The following TTN variants were observed in gnomAD, a reference collection of about 807,000 sequenced individuals.
TTN encodes connectin.
Under a neutral mutation model 3,223.0 loss-of-function variants are expected in TTN, and 1,525 were observed. The observed-to-expected ratio is 0.47, with a 90% CI of 0.45 to 0.49. The LOEUF is 0.49. Ranked by LOEUF, TTN falls within the 20% of genes least tolerant of loss-of-function variation. The probability of loss-of-function intolerance (pLI) is 0.00; values close to 1 mark genes in which losing one functional copy is unlikely to be tolerated. For missense variants in TTN, 40,786 were observed against 43,424.0 expected (o/e 0.94, Z 5.40); for synonymous variants, 14,094 against 15,161.0 (o/e 0.93, Z 5.17).
At chr2:178,802,044 T>C (rs1484585564) in intron 3 of TTN, 94 bp downstream of exon 3, 3 of 1,475,274 alleles carry the variant, frequency 2.0e-6, no homozygotes, top group Non-Finnish European at 2.8e-6. Flanking sequence ...GAGCTGCATC[T>C]ACCTCTGCCC....
At position 178,607,327 on chromosome 2, in the gene TTN, C is replaced by T. The variant is rs762229186; in HGVS notation, c.53288-13G>A. The T allele has an allele frequency of 6.2e-7, 1 of 1,611,766 alleles. No individual in the cohort carries two copies. Among genetic ancestry groups the T allele is most frequent in the East Asian group, 2.2e-5 (1 of 44,616 alleles). On this transcript the variant is annotated splice_polypyrimidine_tract_variant and intron_variant, in intron 277 of 362. Coordinates refer to ENST00000589042, the MANE Select transcript of TTN (RefSeq NM_001267550.2). ...GGACCAGGGACATCTGAAAACAAAA[C>T]AAAGCCAAAAATCAATGTAATAAGA...
chr2:178,569,192 G>T lies in TTN; in HGVS notation c.76940C>A (p.Ser25647Ter). Residue 25647 changes from serine (S) to a stop codon, truncating the protein, a stop_gained, in exon 326 of 363, where the codon TCA (serine) becomes TAA (stop). Coordinates refer to ENST00000589042, the MANE Select transcript of TTN (RefSeq NM_001267550.2). LOFTEE classifies it high-confidence loss of function. ...IVEKREATRK[S>*]YAAVVTNCHK... is the part of the protein sequence containing the mutation. ...GCAGTTAGTTACAACAGCAGCATAT[G>T]ATTTTCTTGTGGCTTCACGTTTCTC... 6.2e-7 allele frequency: 1 copy of T among 1,610,666 alleles called. No individual in the cohort carries two copies. The highest frequency in any genetic ancestry group is 1.1e-5 in the South Asian group (1 of 90,236).
chr2:178,536,115 C>G lies in TTN; in HGVS notation c.100632G>C (p.Arg33544Ser). The G allele has an allele frequency of 6.2e-7, 1 of 1,613,370 alleles. No individual in the cohort carries two copies. Among genetic ancestry groups the G allele is most frequent in the Middle Eastern group, 1.7e-4 (1 of 6,056 alleles). The change falls in exon 357 of 363, where the codon AGG becomes AGC. Residue 33544 changes from arginine (R) to serine (S), a missense_variant. Physicochemically the swap from Arg to Ser is moderately radical, Grantham distance 110 (BLOSUM62 -1). Coordinates refer to ENST00000589042, the MANE Select transcript of TTN (RefSeq NM_001267550.2). ...KEIIADGLKYRIQEFKGGYHQ... is the reference protein window; with the variant it reads ...KEIIADGLKYSIQEFKGGYHQ... The stretch of plus-strand genomic sequence containing the variant: ...GGTAGCCACCCTTAAATTCTTGAAT[C>G]CTATATTTTAATCCATCTGCAATGA...
Position 178,709,845 on chromosome 2 carries a change from G to T in TTN, c.28474C>A (p.Pro9492Thr), listed in dbSNP as rs745696518. The change falls in exon 99 of 363, where the codon CCA (proline) becomes ACA (threonine). Residue 9492 changes from proline to threonine, a missense_variant. Pro to Thr is a conservative substitution (Grantham distance 38). Transcript: ENST00000589042. The stretch of plus-strand genomic sequence containing the variant: ...GAGAGTCTTTTAGTGAAACTTGGTG[G>T]GATGAGCCGCTCTATAAGAAATTGC... ...AQLNIKERLI[P>T]PSFTKRLSET... 1.2e-6 allele frequency: 2 copies of T among 1,610,814 alleles called. No individual in the cohort carries two copies. The highest frequency in any genetic ancestry group is 3.3e-5 in the Admixed American group (2 of 59,872).
Position 178,610,387 on chromosome 2 carries a change from G to T in TTN, c.51139C>A (p.Leu17047Ile). 6.2e-7 allele frequency: 1 copy of T among 1,605,838 alleles called. No homozygotes were observed. The highest frequency in any genetic ancestry group is 1.3e-5 in the African/African-American group (1 of 74,348). Residue 17047 changes from leucine to isoleucine, a missense_variant and splice_region_variant, in exon 271 of 363, where the codon CTA (leucine) becomes ATA (isoleucine). Leu to Ile is a conservative substitution (Grantham distance 5). Coordinates refer to ENST00000589042, the MANE Select transcript of TTN (RefSeq NM_001267550.2). ...TTAATATCTTTGCATGGTCCAGGTAGGCCTATTACAAAAATGGATAATTAT... is the reference window on the plus strand; with the variant it reads ...TTAATATCTTTGCATGGTCCAGGTATGCCTATTACAAAAATGGATAATTAT... The part of the protein sequence containing the change: ...TASINVKVIG[L>I]PGPCKDIKAS...
intron 111 of TTN, among the ~76,000 whole-genome samples, chr2:178,699,363 A>C (rs1407763150): frequency 1.3e-5 from 1 of 79,802 alleles, no homozygotes; most frequent in East Asian, 2.8e-4. Context: ...GGCCTTTTGT[A>C]TTCATGAATA....
intron 33 of TTN, 88 bp downstream of exon 33, chr2:178,773,021 A>C: frequency 6.4e-7 from 1 of 1,569,668 alleles, no homozygotes; most frequent in Non-Finnish European, 8.7e-7. Flanking sequence ...GAAGTGGGAA[A>C]CTGAAAGGAA....
chr2:178,750,768 G>C, intron 47 of TTN: 12 of 1,613,024 alleles, frequency 7.4e-6, no homozygotes, highest in Non-Finnish European at 1.0e-5. Flanking sequence ...TCGCTGGCAT[G>C]TGGTGTAATA....
In TTN at chr2:178,610,397, A is replaced by G; in HGVS notation, c.51137-8T>C. Reference sequence around the variant, plus strand: ...TGCATGGTCCAGGTAGGCCTATTACAAAAATGGATAATTATTCTAGTAATC... The same window carrying G: ...TGCATGGTCCAGGTAGGCCTATTACGAAAATGGATAATTATTCTAGTAATC... On this transcript the variant is annotated splice_region_variant and splice_polypyrimidine_tract_variant and intron_variant, in intron 270 of 362. Coordinates refer to ENST00000589042, the MANE Select transcript of TTN (RefSeq NM_001267550.2). The G allele has an allele frequency of 6.2e-7, 1 of 1,604,670 alleles. No individual in the cohort carries two copies. The highest frequency in any genetic ancestry group is 2.2e-5 in the East Asian group (1 of 44,594).
Position 178,720,949 on chromosome 2 carries a change from GGCGTCACCAAC to G in TTN, c.23059_23069del (p.Val7687GlnfsTer25). 1.3e-6 allele frequency: 2 copies of G among 1,598,632 alleles called. No individual in the cohort carries two copies. The highest frequency in any genetic ancestry group is 1.7e-6 in the Non-Finnish European group (2 of 1,167,832). ...TCACTGTCAACGCTGTGCTGCAGCT[GGCGTCACCAAC>G]ACCATTATGAGCCTCACAAATGTAG... On this transcript the variant is annotated frameshift_variant, in exon 79 of 363. Transcript: ENST00000589042. LOFTEE classifies it high-confidence loss of function.
At position 178,583,811 on chromosome 2, in the gene TTN, C is replaced by T. The variant is rs370878527; in HGVS notation, c.65371G>A (p.Gly21791Ser). ...PKHDGGSKII[G>S]YFVEACKLPG... ...AGTTTGCAAGCTTCTACGAAATAGC[C>T]AATAATTTTACTGCCTCCATCATGC... is the stretch of plus-strand genomic sequence containing the variant. The change falls in exon 312 of 363, where the codon GGC (glycine) becomes AGC (serine). Residue 21791 changes from glycine (G) to serine (S), a missense_variant. Gly to Ser is a moderately conservative substitution (Grantham distance 56). Coordinates refer to ENST00000589042, the MANE Select transcript of TTN (RefSeq NM_001267550.2). 6.2e-5 allele frequency: 100 copies of T among 1,609,806 alleles called. No homozygotes were observed. Among genetic ancestry groups the T allele is most frequent in the Non-Finnish European group, 7.2e-5 (85 of 1,178,052 alleles).
rs773200867 is a variant in TTN at position 178,567,917 on chromosome 2, C to A, written c.78215G>T (p.Gly26072Val). 6.2e-7 allele frequency: 1 copy of A among 1,613,544 alleles called. No individual in the cohort carries two copies. The highest frequency in any genetic ancestry group is 1.1e-5 in the South Asian group (1 of 91,082). Residue 26072 changes from glycine (G) to valine (V), a missense_variant, in exon 326 of 363, where the codon GGT becomes GTT. Physicochemically the swap from Gly to Val is moderately radical, Grantham distance 109. Transcript: ENST00000589042. ...AGAATTCTTGCTTGCTTTGCCTACA[C>A]CAACAATATTTTCAGCATACACTCT... ...EFRVYAENIV[G>V]VGKASKNSEC... is the part of the protein sequence containing the mutation.
Position 178,746,448 on chromosome 2 carries a change from C to T in TTN, c.11312-4527G>A, listed in dbSNP as rs748957279. 1.9e-6 allele frequency: 3 copies of T among 1,611,398 alleles called. No homozygotes were observed. The East Asian group carries it at 6.7e-5, about 36-fold the overall frequency. The stretch of plus-strand genomic sequence containing the variant: ...TTCTCAAATTCTTTAACGTCTTTTT[C>T]ACTTAATTCAACTTCCAGGACAATT... On this transcript the variant is annotated intron_variant, in intron 47 of 362. Transcript: ENST00000589042.
Position 178,666,907 on chromosome 2 carries a change from A to T in TTN, c.35798-6T>A. 6.5e-7 allele frequency: 1 copy of T among 1,533,148 alleles called. No individual in the cohort carries two copies. The highest frequency in any genetic ancestry group is 1.3e-5 in the South Asian group (1 of 79,034). 95.0% of individuals were successfully genotyped at this position (1,533,148 alleles called of 1,614,324 possible). ...TTCCTTGAAGACTTCAAACTCTTTA[A>T]AGATATTAGTATTTTTTTTAATTGA... is the stretch of plus-strand genomic sequence containing the variant. On this transcript the variant is annotated splice_polypyrimidine_tract_variant and splice_region_variant and intron_variant, in intron 162 of 362. Transcript: ENST00000589042.
chr2:178,569,828 C>T lies in TTN; in HGVS notation c.76304G>A (p.Cys25435Tyr), dbSNP rs767496380. The T allele has an allele frequency of 1.2e-6, 2 of 1,613,450 alleles. No homozygotes were observed. The highest frequency in any genetic ancestry group is 8.5e-7 in the Non-Finnish European group (1 of 1,179,616). The change falls in exon 326 of 363, where the codon TGT (cysteine) becomes TAT (tyrosine). Residue 25435 changes from cysteine to tyrosine, a missense_variant. Cys to Tyr is a radical substitution (Grantham distance 194, BLOSUM62 -2). Transcript: ENST00000589042. ...SWSKPIYDGG[C>Y]EIQGYIVEKC... is the part of the protein sequence containing the mutation. The stretch of plus-strand genomic sequence containing the variant: ...TTCAACAATGTATCCTTGAATTTCA[C>T]AGCCACCATCATATATTGGTTTGCT...
chr2:178,636,309 G>A lies in TTN; in HGVS notation c.41330-68C>T. On this transcript the variant is annotated intron_variant, in intron 225 of 362. Coordinates refer to ENST00000589042, the MANE Select transcript of TTN (RefSeq NM_001267550.2). The surrounding 1 kb of genome is among the most constrained non-coding windows in gnomAD (Gnocchi z 4.3). ...TCAATGAAATAAAACTTGGAAATAA[G>A]AGGTTTTGTAAAACTACAATGCAAG... 6.7e-7 allele frequency: 1 copy of A among 1,489,134 alleles called. No individual in the cohort carries two copies. Among genetic ancestry groups the A allele is most frequent in the Non-Finnish European group, 8.9e-7 (1 of 1,119,820 alleles). 92.2% of individuals were successfully genotyped at this position (1,489,134 alleles called of 1,614,324 possible). A position where few individuals can be genotyped will look rare whatever the true frequency, so the allele number is the denominator to read the frequency against.
chr2:178,638,625 C>T, intron 223 of TTN, among the ~76,000 whole-genome samples: 1 of 150,544 alleles, frequency 6.6e-6, no homozygotes, highest in East Asian at 1.9e-4. Flanking sequence ...ATCATTTTTC[C>T]ATAGGAACAA....
In TTN at chr2:178,718,400, C is replaced by T. The variant is rs377762626; in HGVS notation, c.24706G>A (p.Glu8236Lys). The T allele has an allele frequency of 9.9e-6, 16 of 1,613,810 alleles. No individual in the cohort carries two copies. Among genetic ancestry groups the T allele is most frequent in the South Asian group, 4.4e-5 (4 of 91,088 alleles). The change falls in exon 85 of 363, where the codon GAG becomes AAG. Residue 8236 changes from glutamate to lysine, a missense_variant. Transcript: ENST00000589042. Reference sequence around the variant, plus strand: ...AGGCAGCTGTACTGTGCATAATCCTCTATTGTGCTCTCAAGAATTTCCAGT... The same window carrying T: ...AGGCAGCTGTACTGTGCATAATCCTTTATTGTGCTCTCAAGAATTTCCAGT... ...TILEILESTI[E>K]DYAQYSCLIE... is the part of the protein sequence containing the mutation.
Position 178,534,401 on chromosome 2 carries a change from A to G in TTN, c.102214T>C (p.Trp34072Arg), listed in dbSNP as rs375159973. The part of the protein sequence containing the change: ...MTASEALQHP[W>R]LKQKIERVST... Reference sequence around the variant, plus strand: ...ACTCTTTCTATCTTCTGCTTCAACCATGGGTGCTGGAGAGCCTCCGATGCT... The same window carrying G: ...ACTCTTTCTATCTTCTGCTTCAACCGTGGGTGCTGGAGAGCCTCCGATGCT... The change falls in exon 358 of 363, where the codon TGG (tryptophan) becomes CGG (arginine). Residue 34072 changes from tryptophan to arginine, a missense_variant. Physicochemically the swap from Trp to Arg is moderately radical, Grantham distance 101 (BLOSUM62 -3). Transcript: ENST00000589042. The G allele has an allele frequency of 2.2e-5, 35 of 1,610,942 alleles. No individual in the cohort carries two copies. Among genetic ancestry groups the G allele is most frequent in the Non-Finnish European group, 2.6e-5 (31 of 1,179,792 alleles).
Sources: allele counts gnomAD v4.1 joint callset (sites outside exome capture counted in the v4.1 genomes callset), GRCh38; gene constraint gnomAD v4.1.1; non-coding constraint Gnocchi (gnomAD v3.1); transcripts MANE v1.5; gene names NCBI Gene and HGNC (gene_info 2026-07-23, HGNC 2026-07-21).